The following KCNH7 variants were observed in gnomAD, a reference collection of about 807,000 sequenced individuals.
The protein encoded by KCNH7 is potassium voltage-gated channel subfamily H member 7.
Under a neutral mutation model 120.8 loss-of-function variants are expected in KCNH7, and 49 were observed. The ratio of observed to expected loss-of-function variants is 0.41; its 90% CI spans 0.32 to 0.51. The LOEUF (loss-of-function observed/expected upper bound fraction) is 0.51, where lower values mean the gene tolerates loss of function less well. Among genes scored for constraint, KCNH7 ranks in the 20% least tolerant of loss-of-function variants. The pLI, the probability that KCNH7 is intolerant of heterozygous loss-of-function variation, is 0.38. For missense variants in KCNH7, 1,097 were observed against 1,446.6 expected, an observed-to-expected ratio of 0.76 and a Z score of 3.92; for synonymous variants, 547 against 516.1, an observed-to-expected ratio of 1.06 and a Z score of -0.81.
At chr2:162,589,075 T>C (rs905502822) in intron 2 of KCNH7, among the ~76,000 whole-genome samples, 1 of 152,088 alleles carries the variant, frequency 6.6e-6, no homozygotes, top group African/African-American at 2.4e-5. Flanking sequence ...TCTTCATTTT[T>C]GACTCTGTGC....
At chr2:162,558,503 CTTTTTT>C (rs71410015) in intron 2 of KCNH7, among the ~76,000 whole-genome samples, 12 of 80,690 alleles carry the variant, frequency 1.5e-4, no homozygotes, top group African/African-American at 4.4e-4. Flanking sequence ...TTCTCAATGG[CTTTTTT>C]TTTTTTTTTT....
chr2:162,392,595 C>T (rs1686776690), intron 12 of KCNH7, among the ~76,000 whole-genome samples: 1 of 151,994 alleles, frequency 6.6e-6, no homozygotes, highest in African/African-American at 2.4e-5. Flanking sequence ...TGCTGTGCAG[C>T]AAGCACTAAA....
At chr2:162,698,323 T>A (rs1224652588) in intron 2 of KCNH7, among the ~76,000 whole-genome samples, 1 of 152,110 alleles carries the variant, frequency 6.6e-6, no homozygotes, top group African/African-American at 2.4e-5. Flanking sequence ...CATGACAACT[T>A]ATAAGCACTA....
chr2:162,746,053 T>A (rs1173381712), intron 2 of KCNH7, among the ~76,000 whole-genome samples: 1 of 152,086 alleles, frequency 6.6e-6, no homozygotes, highest in East Asian at 1.9e-4. Flanking sequence ...TTATTATAAA[T>A]CTAAGGTAAA....
chr2:162,592,220 T>A (rs1315693558), intron 2 of KCNH7, among the ~76,000 whole-genome samples: 3 of 152,074 alleles, frequency 2.0e-5, no homozygotes, highest in African/African-American at 7.2e-5. Context: ...CCTAGTCTCC[T>A]GATAGATAAA....
intron 6 of KCNH7, among the ~76,000 whole-genome samples, chr2:162,474,041 GTCTT>G (rs1689652807): frequency 6.6e-6 from 1 of 152,130 alleles, no homozygotes; most frequent in Non-Finnish European, 1.5e-5. Context: ...CCTTCTTAAG[GTCTT>G]TCTATGTCCT....
intron 2 of KCNH7, among the ~76,000 whole-genome samples, chr2:162,604,453 A>G (rs187667498): frequency 3.1e-4 from 47 of 152,186 alleles, no homozygotes; most frequent in Admixed American, 1.1e-3. Context: ...CCACGGTTTC[A>G]ATGACCTCCT....
At chr2:162,802,344 T>C (rs945275240) in intron 2 of KCNH7, among the ~76,000 whole-genome samples, 1 of 151,810 alleles carries the variant, frequency 6.6e-6, no homozygotes, top group African/African-American at 2.4e-5. Context: ...TTTTAAATAC[T>C]AGTTGTTAGG....
At chr2:162,802,725 T>C (rs1684394392) in intron 2 of KCNH7, among the ~76,000 whole-genome samples, 1 of 151,810 alleles carries the variant, frequency 6.6e-6, no homozygotes, top group South Asian at 2.1e-4. Flanking sequence ...ATTAATGGGA[T>C]ATATTACATT....
At chr2:162,657,464 T>C (rs533245556) in intron 2 of KCNH7, among the ~76,000 whole-genome samples, 1 of 152,340 alleles carries the variant, frequency 6.6e-6, no homozygotes, top group East Asian at 1.9e-4. Context: ...TTTAAGTACC[T>C]TCTTAAACCA....
chr2:162,395,803 C>T (rs1040096795), intron 11 of KCNH7, among the ~76,000 whole-genome samples: 1 of 151,498 alleles, frequency 6.6e-6, no homozygotes, highest in Non-Finnish European at 1.5e-5. Flanking sequence ...TCTTTTAAGC[C>T]TCTCATGGTA....
chr2:162,657,778 C>T (rs1457431219), intron 2 of KCNH7, among the ~76,000 whole-genome samples: 1 of 151,946 alleles, frequency 6.6e-6, no homozygotes, highest in Non-Finnish European at 1.5e-5. Context: ...GTACCATTTT[C>T]CATTCTCATT....
intron 2 of KCNH7, among the ~76,000 whole-genome samples, chr2:162,759,968 C>G (rs1190629525): frequency 6.6e-6 from 1 of 151,026 alleles, no homozygotes; most frequent in Non-Finnish European, 1.5e-5. Context: ...TATGTAATAA[C>G]TTTGCATAGA....
chr2:162,422,158 T>C (rs922068797), intron 9 of KCNH7, among the ~76,000 whole-genome samples: 14 of 152,154 alleles, frequency 9.2e-5, no homozygotes, highest in African/African-American at 3.1e-4. Flanking sequence ...AAATTAACAT[T>C]TTTGTCATGG....
intron 6 of KCNH7, among the ~76,000 whole-genome samples, chr2:162,490,140 C>T (rs532782601): frequency 2.0e-5 from 3 of 152,342 alleles, no homozygotes; most frequent in African/African-American, 7.2e-5. Flanking sequence ...ACCTGCCCCA[C>T]AAGTTCTTAC....
At chr2:162,698,858 A>C (rs1237361864) in intron 2 of KCNH7, among the ~76,000 whole-genome samples, 2 of 152,062 alleles carry the variant, frequency 1.3e-5, no homozygotes, top group Non-Finnish European at 1.5e-5. Flanking sequence ...TTATTTTCTC[A>C]AGTTTATGTT....
At chr2:162,717,163 G>T (rs1687151260) in intron 2 of KCNH7, among the ~76,000 whole-genome samples, 1 of 151,988 alleles carries the variant, frequency 6.6e-6, no homozygotes, top group Non-Finnish European at 1.5e-5. Context: ...AACAGACAAT[G>T]TTCTTTTTTA....
intron 6 of KCNH7, among the ~76,000 whole-genome samples, chr2:162,484,248 C>CAGAG (rs199687130): frequency 3.4e-4 from 50 of 148,922 alleles, no homozygotes; most frequent in East Asian, 2.7e-3. Context: ...CACACACACA[C>CAGAG]AGAGAGACAC....
At chr2:162,543,946 T>C (rs976413067) in intron 2 of KCNH7, among the ~76,000 whole-genome samples, 2 of 152,140 alleles carry the variant, frequency 1.3e-5, no homozygotes, top group Non-Finnish European at 1.5e-5. Context: ...TCTCCAAATA[T>C]TCAATGATGC....
Sources: allele counts gnomAD v4.1 joint callset (sites outside exome capture counted in the v4.1 genomes callset), GRCh38; gene constraint gnomAD v4.1.1; transcripts MANE v1.5; gene names NCBI Gene and HGNC (gene_info 2026-07-23, HGNC 2026-07-21).